Variants in AGBL1 observed in about 807,000 individuals in gnomAD.
AGBL1 encodes the protein AGBL carboxypeptidase 1, also known as cytosolic carboxypeptidase 4.
AGBL1 carries 130 observed loss-of-function variants against 118.9 expected under a neutral mutation model. That is an observed-to-expected ratio of 1.09 (90% CI 0.95 to 1.26). The LOEUF (loss-of-function observed/expected upper bound fraction) is 1.26. Ranked by LOEUF, AGBL1 falls within the 50% of genes most tolerant of loss-of-function variation. AGBL1 has a pLI of 0.00. For synonymous variants in AGBL1, 555 were observed against 478.9 expected, an observed-to-expected ratio of 1.16 and a Z score of -2.08; for missense variants, 1,584 against 1,298.1, an observed-to-expected ratio of 1.22 and a Z score of -3.38.
At chr15:86,954,972 C>CT (rs2141676110) in intron 23 of AGBL1, among the ~76,000 whole-genome samples, 1 of 152,202 alleles carries the variant, frequency 6.6e-6, no homozygotes, top group Admixed American at 6.5e-5. Context: ...ATATCTTTAA[C>CT]TTGTAAGAGT....
At chr15:86,129,624 C>T (rs1346543075) in intron 1 of AGBL1, among the ~76,000 whole-genome samples, 1 of 152,136 alleles carries the variant, frequency 6.6e-6, no homozygotes, top group Non-Finnish European at 1.5e-5. Flanking sequence ...GTTGTCACAA[C>T]TGGGGCTGAG....
Position 86,141,610 on chromosome 15 carries a change from C to T in AGBL1, c.52-394C>T, listed in dbSNP as rs1168700709. ...AAGTTGCAGTGAGTGGAGATCGCAC[C>T]ACTGCACCCCCGCCTGGGCAACAGA... On this transcript the variant is annotated intron_variant, in intron 1 of 22. Transcript: ENST00000614907. Among the ~76,000 whole-genome samples, 3 of 152,202 alleles carry T rather than the reference C, an allele frequency of 2.0e-5. No individual in the cohort carries two copies. The East Asian group carries it at 5.8e-4, about 29-fold the overall frequency.
At chr15:86,946,840 G>T in intron 23 of AGBL1, among the ~76,000 whole-genome samples, 1 of 48,166 alleles carries the variant, frequency 2.1e-5, no homozygotes, top group Non-Finnish European at 4.4e-5. Flanking sequence ...GTGAAACTCG[G>T]TCCAAAAAAA....
chr15:86,137,801 A>G (rs796146029), intron 1 of AGBL1, among the ~76,000 whole-genome samples: 12 of 152,306 alleles, frequency 7.9e-5, no homozygotes, highest in African/African-American at 2.4e-4. Flanking sequence ...ACCATCCTGT[A>G]TTTGAAGCAA....
rs182964369 is a variant in AGBL1, at chr15:86,340,621, T to C, written c.2374+45213T>C. Among the ~76,000 whole-genome samples the C allele has an allele frequency of 2.3e-4, 35 of 152,298 alleles. 1 individual carries two copies. Among genetic ancestry groups the C allele is most frequent in the Admixed American group, 2.0e-4 (3 of 15,296 alleles). On this transcript the variant is annotated intron_variant, in intron 17 of 22. Coordinates refer to ENST00000614907, the MANE Select transcript of AGBL1 (RefSeq NM_001386094.1). ...GGCCCTGAAAGCACGTTGATTTTGA[T>C]TTCTGGCCTCCAGAAGTGTGACTGA...
At chr15:86,280,459 G>A (rs1315605731) in intron 16 of AGBL1, among the ~76,000 whole-genome samples, 2 of 152,136 alleles carry the variant, frequency 1.3e-5, no homozygotes, top group African/African-American at 4.8e-5. Flanking sequence ...GTGAGAAAAT[G>A]GACTGCTTAA....
intron 5 of AGBL1, among the ~76,000 whole-genome samples, chr15:86,208,192 C>A (rs1278141750): frequency 1.3e-5 from 2 of 152,094 alleles, no homozygotes; most frequent in African/African-American, 4.8e-5. Context: ...GGTGGATAAG[C>A]TTTTTGATGT....
intron 22 of AGBL1, among the ~76,000 whole-genome samples, chr15:86,903,737 G>T (rs1184603347): frequency 6.6e-6 from 1 of 152,158 alleles, no homozygotes; most frequent in Non-Finnish European, 1.5e-5. Flanking sequence ...ACCCAGTGTG[G>T]GGAGGGGCTC....
At chr15:86,349,323 C>A (rs1184814135) in intron 17 of AGBL1, among the ~76,000 whole-genome samples, 2 of 152,166 alleles carry the variant, frequency 1.3e-5, no homozygotes, top group Admixed American at 6.5e-5. Flanking sequence ...ATGCACAAGA[C>A]AACCACCTAT....
At position 86,525,157 on chromosome 15, in the gene AGBL1, C is replaced by CAAA. The variant is rs34846889; in HGVS notation, c.2685+2226_2685+2228dup. Reference sequence around the variant, plus strand: ...AACTCCGTTTTATTAACAATAGCTACAAAAAAAAAATACCCAGGAATATAT... The same window carrying CAAA: ...AACTCCGTTTTATTAACAATAGCTACAAAAAAAAAAAAATACCCAGGAATATAT... On this transcript the variant is annotated intron_variant, in intron 19 of 22. Coordinates refer to ENST00000614907, the MANE Select transcript of AGBL1 (RefSeq NM_001386094.1). Among the ~76,000 whole-genome samples the CAAA allele has an allele frequency of 7.8e-3, 1,136 of 144,772 alleles. 21 individuals are homozygous for CAAA. The highest frequency in any genetic ancestry group is 0.027 in the African/African-American group (1,086 of 40,204). The allele number at this position is 144,772 out of a possible 152,430, so 95.0% of individuals were successfully genotyped here. A position where few individuals can be genotyped will look rare whatever the true frequency, so the allele number is the denominator to read the frequency against.
chr15:86,898,404 G>C (rs761690245), intron 22 of AGBL1, among the ~76,000 whole-genome samples: 15 of 152,118 alleles, frequency 9.9e-5, no homozygotes, highest in Non-Finnish European at 2.2e-4. Context: ...AAGGGGTCCA[G>C]CTTCAATCTG....
chr15:86,539,498 CCTT>C (rs1326286044), intron 19 of AGBL1, among the ~76,000 whole-genome samples: 1 of 152,152 alleles, frequency 6.6e-6, no homozygotes, highest in Non-Finnish European at 1.5e-5. Flanking sequence ...TCATCTTGCT[CCTT>C]CTTGCTTAGT....
intron 1 of AGBL1, among the ~76,000 whole-genome samples, chr15:86,081,129 T>G (rs573214952): frequency 1.3e-5 from 2 of 152,228 alleles, no homozygotes; most frequent in South Asian, 4.2e-4. Flanking sequence ...CTACAACTTT[T>G]GCCTCCCAGG....
At chr15:86,988,182 G>C in intron 24 of AGBL1, 1 of 1,442,726 alleles carries the variant, frequency 6.9e-7, no homozygotes, top group African/African-American at 1.4e-5. Context: ...TGGACAAAGA[G>C]AAAGTAAATG....
chr15:86,768,133 T>C (rs1277928387), intron 22 of AGBL1, among the ~76,000 whole-genome samples: 1 of 151,952 alleles, frequency 6.6e-6, no homozygotes, highest in Non-Finnish European at 1.5e-5. Flanking sequence ...TGTGGGAACA[T>C]TGCATTACAG....
At chr15:86,347,026 G>C (rs371887572) in intron 17 of AGBL1, among the ~76,000 whole-genome samples, 3 of 152,084 alleles carry the variant, frequency 2.0e-5, no homozygotes, top group South Asian at 2.1e-4. Context: ...AGCATCTGAC[G>C]GTTTATTGAA....
Position 86,827,361 on chromosome 15 carries a change from A to G in AGBL1, c.3159-79726A>G, listed in dbSNP as rs1174982864. On this transcript the variant is annotated intron_variant, in intron 22 of 22. Transcript: ENST00000614907. ...TATGTGTATATATATATATATATATATGTGTGTGTATATATATATATACAC... is the reference window on the plus strand; with the variant it reads ...TATGTGTATATATATATATATATATGTGTGTGTGTATATATATATATACAC... Among the ~76,000 whole-genome samples, 42 of 9,016 alleles carry G rather than the reference A, an allele frequency of 4.7e-3. 14 individuals carry two copies. The highest frequency in any genetic ancestry group is 0.024 in the African/African-American group (27 of 1,106). 5.9% of individuals were successfully genotyped at this position (9,016 alleles called of 152,430 possible).
intron 5 of AGBL1, among the ~76,000 whole-genome samples, chr15:86,161,989 A>G (rs981810945): frequency 6.6e-6 from 1 of 152,224 alleles, no homozygotes; most frequent in African/African-American, 2.4e-5. Context: ...ATTGTTAATC[A>G]TTATTAATAC....
At chr15:86,753,074 T>C (rs1739508998) in intron 22 of AGBL1, among the ~76,000 whole-genome samples, 1 of 152,074 alleles carries the variant, frequency 6.6e-6, no homozygotes, top group South Asian at 2.1e-4. Context: ...TAAAATCACT[T>C]TGTTCTGTAA....
Sources: gnomAD v4.1 joint callset for allele counts (sites outside exome capture counted in the v4.1 genomes callset) on GRCh38, gnomAD v4.1.1 for gene constraint, MANE v1.5 for transcripts, NCBI Gene and HGNC (gene_info 2026-07-23, HGNC 2026-07-21) for gene names.